Variants in RAB13 observed in about 807,000 individuals in gnomAD.
RAB13 encodes ras-related protein Rab-13.
In RAB13, 15 loss-of-function variants were observed where a neutral mutation model predicts 29.3. The ratio of observed to expected loss-of-function variants is 0.51; its 90% confidence interval spans 0.34 to 0.79. The LOEUF is 0.79. Among genes scored for constraint, RAB13 ranks in the 30% least tolerant of loss-of-function variants. RAB13 has a pLI of 0.01. For missense variants in RAB13, 186 were observed against 255.5 expected (o/e 0.73, Z 1.85); for synonymous variants, 82 against 93.8 (o/e 0.87, Z 0.73).
Position 153,986,319 on chromosome 1 carries a change from C to T in RAB13, c.-83G>A. 1 of 1,173,818 alleles carries T rather than the reference C, an allele frequency of 8.5e-7. No homozygotes were observed. The highest frequency in any genetic ancestry group is 1.3e-5 in the South Asian group (1 of 75,498). 72.7% of individuals were successfully genotyped at this position (1,173,818 alleles called of 1,614,324 possible). ...ACTGGACGGTTGGCAAACAGAGCGG[C>T]ACGGAGCCCAGGCCAGGAAGAAGTT... On this transcript the variant is annotated 5_prime_UTR_variant, in exon 1 of 8. Coordinates refer to ENST00000368575, the MANE Select transcript of RAB13 (RefSeq NM_002870.5).
chr1:153,982,067 A>G lies in RAB13; in HGVS notation c.*32T>C, dbSNP rs1252726081. 1 of 1,593,396 alleles carries G rather than the reference A, an allele frequency of 6.3e-7. No individual in the cohort carries two copies. Among genetic ancestry groups the G allele is most frequent in the African/African-American group, 1.3e-5 (1 of 74,244 alleles). On this transcript the variant is annotated 3_prime_UTR_variant, in exon 8 of 8. Coordinates refer to ENST00000368575, the MANE Select transcript of RAB13 (RefSeq NM_002870.5). ...CTCTGCCGTTGTCTCCCTCAGGTTC[A>G]GCTTCCGGGGTGGGGAGGCAAGAAA...
intron 2 of RAB13, among the ~76,000 whole-genome samples, chr1:153,984,260 G>T (rs995029761): frequency 1.3e-5 from 2 of 149,844 alleles, no homozygotes; most frequent in Admixed American, 6.7e-5. Flanking sequence ...ATAACTAAAA[G>T]AACCAGATTT....
upstream of RAB13, among the ~76,000 whole-genome samples, chr1:153,988,498 A>G (rs187131022): frequency 8.8e-4 from 122 of 138,938 alleles, 3 homozygotes; most frequent in African/African-American, 2.7e-3. Context: ...TCACCGTGTT[A>G]GCCAGGATGG....
At chr1:153,990,506 T>C (rs1288304541), upstream of RAB13, among the ~76,000 whole-genome samples, 1 of 152,236 alleles carries the variant, frequency 6.6e-6, no homozygotes, top group Non-Finnish European at 1.5e-5. Flanking sequence ...TGTCAAGGTA[T>C]GGCACAAAAT....
upstream of RAB13, among the ~76,000 whole-genome samples, chr1:153,990,193 G>A (rs1649313053): frequency 3.3e-5 from 5 of 152,110 alleles, no homozygotes; most frequent in African/African-American, 1.2e-4. Context: ...AGCCTCCAGA[G>A]TAGCTGGGAT....
chr1:153,983,456 C>T (rs1649060781), intron 3 of RAB13, 65 bp downstream of exon 3: 1 of 1,541,372 alleles, frequency 6.5e-7, no homozygotes, highest in Non-Finnish European at 9.0e-7. Flanking sequence ...ACCCCTGACC[C>T]TTTGTATTCA....
At chr1:153,988,604 A>T (rs1649255964), upstream of RAB13, among the ~76,000 whole-genome samples, 1 of 145,034 alleles carries the variant, frequency 6.9e-6, no homozygotes, top group Admixed American at 6.9e-5. Flanking sequence ...TTTTATTTTT[A>T]TTTTTTTAAT....
At chr1:153,989,789 G>A (rs935634270), upstream of RAB13, among the ~76,000 whole-genome samples, 1 of 151,720 alleles carries the variant, frequency 6.6e-6, no homozygotes, top group South Asian at 2.1e-4. Context: ...CTACTCGGGA[G>A]GCTGAGGCAG....
chr1:153,983,677 T>C, intron 2 of RAB13, 96 bp from the exon 3 acceptor site: 3 of 1,076,890 alleles, frequency 2.8e-6, no homozygotes, highest in Non-Finnish European at 1.4e-6. Flanking sequence ...TTTTGTAACA[T>C]GGTGGGGCAA....
In RAB13 at chr1:153,981,748, G is replaced by A. The variant is rs1477974029; in HGVS notation, c.*351C>T. The A allele has an allele frequency of 3.5e-6, 1 of 285,556 alleles. No individual in the cohort carries two copies. The highest frequency in any genetic ancestry group is 2.2e-5 in the African/African-American group (1 of 45,936). 17.7% of individuals were successfully genotyped at this position (285,556 alleles called of 1,614,324 possible). On this transcript the variant is annotated 3_prime_UTR_variant, in exon 8 of 8. Coordinates refer to ENST00000368575, the MANE Select transcript of RAB13 (RefSeq NM_002870.5). ...GTAGTGCCGAGCTAGCCTTTTGCAG[G>A]ACCCTAAAACCTGATCTAGTAACAG...
chr1:153,987,451 G>A (rs1250709657), upstream of RAB13, among the ~76,000 whole-genome samples: 1 of 149,978 alleles, frequency 6.7e-6, no homozygotes, highest in Non-Finnish European at 1.5e-5. Flanking sequence ...GGGAGGCAGA[G>A]CTTGCAGTGA....
chr1:153,982,026 C>G lies in RAB13; in HGVS notation c.*73G>C. 1 of 1,326,542 alleles carries G rather than the reference C, an allele frequency of 7.5e-7. No individual in the cohort carries two copies. Among genetic ancestry groups the G allele is most frequent in the Non-Finnish European group, 1.1e-6 (1 of 919,664 alleles). The allele number at this position is 1,326,542 out of a possible 1,614,324, so 82.2% of individuals were successfully genotyped here. On this transcript the variant is annotated 3_prime_UTR_variant, in exon 8 of 8. Coordinates refer to ENST00000368575, the MANE Select transcript of RAB13 (RefSeq NM_002870.5). ...GACCCTCCAAGCCCCTCTGCTATTT[C>G]TCCCCTGCTCACTCCCTCTGCCGTT...
chr1:153,986,904 G>C (rs1158037292), upstream of RAB13, among the ~76,000 whole-genome samples: 2 of 152,230 alleles, frequency 1.3e-5, no homozygotes, highest in South Asian at 4.2e-4. Flanking sequence ...GAGTCAGTCT[G>C]CCCCCTGGTG....
At chr1:153,988,465 G>T (rs562713582), upstream of RAB13, among the ~76,000 whole-genome samples, 2 of 146,088 alleles carry the variant, frequency 1.4e-5, 1 homozygote, top group Admixed American at 1.4e-4. Flanking sequence ...CTAATTTTTT[G>T]TATTTTAGGG....
chr1:153,984,524 G>A (rs1370305541), intron 2 of RAB13, among the ~76,000 whole-genome samples, 197 bp downstream of exon 2: 1 of 152,158 alleles, frequency 6.6e-6, no homozygotes, highest in Non-Finnish European at 1.5e-5. Flanking sequence ...AGTTACAAAA[G>A]AGTTGGAACT....
intron 6 of RAB13, 31 bp from the exon 7 acceptor site, chr1:153,982,475 G>C: frequency 6.2e-7 from 1 of 1,609,456 alleles, no homozygotes; most frequent in South Asian, 1.1e-5. Context: ...AGTTTGGAGG[G>C]AGGAGAATCT....
upstream of RAB13, among the ~76,000 whole-genome samples, chr1:153,988,294 AT>A (rs552724489): frequency 4.2e-3 from 449 of 107,492 alleles, 5 homozygotes; most frequent in South Asian, 0.02. Context: ...GCCTGGCCCT[AT>A]TTTTTTTTTT....
At position 153,982,808 on chromosome 1, in the gene RAB13, T is replaced by C. The variant is rs1206206430; in HGVS notation, c.325A>G (p.Asn109Asp). The change falls in exon 5 of 8, where the codon AAT becomes GAT. Residue 109 changes from asparagine (N) to aspartate (D), a missense_variant and splice_region_variant. By Grantham distance (23) the Asn-to-Asp change is conservative. Coordinates refer to ENST00000368575, the MANE Select transcript of RAB13 (RefSeq NM_002870.5). The part of the protein sequence containing the change: ...IQNWMKSIKE[N>D]ASAGVERLLL... The stretch of plus-strand genomic sequence containing the variant: ...AGGCGCTCCACCCCAGCCGAGGCAT[T>C]CTGGGGGCAAAAGACAAGTAAAAGT... 6 of 1,613,918 alleles carry C rather than the reference T, an allele frequency of 3.7e-6. No individual in the cohort carries two copies. The highest frequency in any genetic ancestry group is 1.3e-5 in the African/African-American group (1 of 74,890).
rs1318958195 is a variant in RAB13, at chr1:153,982,524, G to GTGGA, written c.480+7_480+10dup. The GTGGA allele has an allele frequency of 1.2e-6, 2 of 1,611,670 alleles. No individual in the cohort carries two copies. Among genetic ancestry groups the GTGGA allele is most frequent in the Non-Finnish European group, 8.5e-7 (1 of 1,177,750 alleles). On this transcript the variant is annotated intron_variant, in intron 6 of 7. Coordinates refer to ENST00000368575, the MANE Select transcript of RAB13 (RefSeq NM_002870.5). ...TCCTCTCTTGGTCGGGGATGGGGGT[G>GTGGA]TGGATCTCACCTCATCCACATTCAT...
Sources: gnomAD v4.1 joint callset for allele counts (sites outside exome capture counted in the v4.1 genomes callset) on GRCh38, gnomAD v4.1.1 for gene constraint, MANE v1.5 for transcripts, NCBI Gene and HGNC (gene_info 2026-07-23, HGNC 2026-07-21) for gene names.